The following SLURP1 variants were observed in gnomAD, a reference collection of about 807,000 sequenced individuals.
SLURP1 encodes secreted Ly-6/uPAR-related protein 1.
SLURP1 carries 2 observed loss-of-function variants against 7.9 expected under a neutral mutation model. That is an observed-to-expected ratio of 0.25 (90% CI 0.10 to 0.79). The LOEUF (loss-of-function observed/expected upper bound fraction) is 0.79. Among genes scored for constraint, SLURP1 ranks in the 30% least tolerant of loss-of-function variants. SLURP1 has a pLI of 0.69. For missense variants in SLURP1, 111 were observed against 139.8 expected, an observed-to-expected ratio of 0.79 and a Z score of 1.04; for synonymous variants, 59 against 54.9, an observed-to-expected ratio of 1.07 and a Z score of -0.33.
At position 142,741,476 on chromosome 8, in the gene SLURP1, A is replaced by G. The variant is rs1384474024; in HGVS notation, c.179-200T>C. ...ATTATTAGGCCTTGTCAGACCTCTG[A>G]AGTGCCTGCGCTGAGATGGGAGCCC... On this transcript the variant is annotated intron_variant, in intron 2 of 2. Coordinates refer to ENST00000246515, the MANE Select transcript of SLURP1 (RefSeq NM_020427.3). The surrounding 1 kb of genome is among the most constrained non-coding windows in gnomAD (Gnocchi z 4.3). Among the ~76,000 whole-genome samples, 1 of 152,114 alleles carries G rather than the reference A, an allele frequency of 6.6e-6. No individual in the cohort carries two copies. The highest frequency in any genetic ancestry group is 1.9e-4 in the East Asian group (1 of 5,170).
chr8:142,742,302 T>A (rs749749443), intron 1 of SLURP1, 26 bp downstream of exon 1: 2 of 1,610,508 alleles, frequency 1.2e-6, no homozygotes, highest in African/African-American at 2.7e-5. Context: ...AGAGGCAGGG[T>A]CCCCACCAGC....
chr8:142,742,288 G>T, intron 1 of SLURP1, 40 bp downstream of exon 1: 1 of 1,606,696 alleles, frequency 6.2e-7, no homozygotes, highest in Non-Finnish European at 8.5e-7. Context: ...GGGCAGACAA[G>T]CTCAGAGGCA....
rs1815863515 is a variant in SLURP1 at position 142,741,272 on chromosome 8, G to T, written c.183C>A (p.Tyr61Ter). ...MTTLVTVEAE[Y>*]PFNQSPVVTR... ...TCACCACGGGGCTCTGGTTGAAGGG[G>T]TACTCTGCAGGGTGGGCCAGTGTCA... Residue 61 changes from tyrosine (Y) to a stop codon, truncating the protein, a stop_gained, in exon 3 of 3, where the codon TAC (tyrosine) becomes TAA (stop). Transcript: ENST00000246515. LOFTEE classifies it low-confidence loss of function (END_TRUNC). The surrounding 1 kb of genome is among the most constrained non-coding windows in gnomAD (Gnocchi z 4.3). The T allele has an allele frequency of 6.3e-7, 1 of 1,595,846 alleles. No homozygotes were observed.
In SLURP1 at chr8:142,741,798, C is replaced by T; in HGVS notation, c.178+5G>A. 6.2e-7 allele frequency: 1 copy of T among 1,611,006 alleles called. No individual in the cohort carries two copies. Among genetic ancestry groups the T allele is most frequent in the Non-Finnish European group, 8.5e-7 (1 of 1,179,976 alleles). ...ACCCAGGGCTGCCGTGGGGCCTGGC[C>T]TCACCTGCCTCCACCGTCACCAGCG... On this transcript the variant is annotated splice_donor_5th_base_variant and intron_variant, in intron 2 of 2. Transcript: ENST00000246515. This position sits in a 1 kb window ranked among gnomAD's most constrained non-coding sequence, Gnocchi z 4.3.
At position 142,741,748 on chromosome 8, in the gene SLURP1, G is replaced by C; in HGVS notation, c.178+55C>G. On this transcript the variant is annotated intron_variant, in intron 2 of 2. Transcript: ENST00000246515. The surrounding 1 kb of genome is among the most constrained non-coding windows in gnomAD (Gnocchi z 4.3). The stretch of plus-strand genomic sequence containing the variant: ...CACCAGCAAAGGAGGGAGGCACTTG[G>C]GGGAGGTGGCCCTGACTCCAGTGCA... 6.2e-7 allele frequency: 1 copy of C among 1,601,890 alleles called. No individual in the cohort carries two copies. Among genetic ancestry groups the C allele is most frequent in the Non-Finnish European group, 8.5e-7 (1 of 1,179,636 alleles).
Position 142,741,887 on chromosome 8 carries a change from T to C in SLURP1, c.94A>G (p.Met32Val). ...ATGGTCCTGCAGGAAGCACTGGTCA[T>C]GGGCTCCTTGCAGGTGTAGCACTTG... The part of the protein sequence containing the change: ...ALKCYTCKEP[M>V]TSASCRTITR... Residue 32 changes from methionine to valine, a missense_variant, in exon 2 of 3, where the codon ATG becomes GTG. Transcript: ENST00000246515. The surrounding 1 kb of genome is among the most constrained non-coding windows in gnomAD (Gnocchi z 4.3). 1.2e-6 allele frequency: 2 copies of C among 1,613,092 alleles called. No individual in the cohort carries two copies. Among genetic ancestry groups the C allele is most frequent in the Non-Finnish European group, 1.7e-6 (2 of 1,179,974 alleles).
Position 142,741,170 on chromosome 8 carries a change from G to A in SLURP1, c.285C>T (p.Phe95=), listed in dbSNP as rs1280418980. The A allele has an allele frequency of 6.2e-7, 1 of 1,608,130 alleles. No individual in the cohort carries two copies. Among genetic ancestry groups the A allele is most frequent in the African/African-American group, 1.3e-5 (1 of 75,020 alleles). The stretch of plus-strand genomic sequence containing the variant: ...AGAGTTCCGAGTTGCAGAGGTCTCG[G>A]AAGCAGCAGAAGATCAGGTGGGCGG... The part of the protein sequence containing the change: ...IGAAHLIFCC[F]RDLCNSEL Residue 95 remains phenylalanine (F), a synonymous_variant, in exon 3 of 3, where the codon TTC becomes TTT. Coordinates refer to ENST00000246515, the MANE Select transcript of SLURP1 (RefSeq NM_020427.3). This position sits in a 1 kb window ranked among gnomAD's most constrained non-coding sequence, Gnocchi z 4.3.
Position 142,741,286 on chromosome 8 carries a change from G to T in SLURP1, c.179-10C>A. On this transcript the variant is annotated splice_polypyrimidine_tract_variant and intron_variant, in intron 2 of 2. Transcript: ENST00000246515. The surrounding 1 kb of genome is among the most constrained non-coding windows in gnomAD (Gnocchi z 4.3). The stretch of plus-strand genomic sequence containing the variant: ...TGGTTGAAGGGGTACTCTGCAGGGT[G>T]GGCCAGTGTCAGAACCCTCACTCCC... 1 of 1,583,608 alleles carries T rather than the reference G, an allele frequency of 6.3e-7. No individual in the cohort carries two copies.
rs755336069 is a variant in SLURP1, at chr8:142,741,341, C to T, written c.179-65G>A. The T allele has an allele frequency of 1.3e-6, 2 of 1,520,178 alleles. No individual in the cohort carries two copies. Among genetic ancestry groups the T allele is most frequent in the South Asian group, 2.4e-5 (2 of 82,288 alleles). The allele number at this position is 1,520,178 out of a possible 1,614,324, so 94.2% of individuals were successfully genotyped here. The stretch of plus-strand genomic sequence containing the variant: ...AGCGCCTGCCTGCTGCTGCACTGCT[C>T]CCAGCCGCCGTCGCCTGACCTCACC... On this transcript the variant is annotated intron_variant, in intron 2 of 2. Transcript: ENST00000246515. This position sits in a 1 kb window ranked among gnomAD's most constrained non-coding sequence, Gnocchi z 4.3.
In SLURP1 at chr8:142,741,103, G is replaced by A. The variant is rs1004789680; in HGVS notation, c.*40C>T. 1.9e-6 allele frequency: 3 copies of A among 1,599,260 alleles called. No homozygotes were observed. Among genetic ancestry groups the A allele is most frequent in the Non-Finnish European group, 2.5e-6 (3 of 1,179,526 alleles). On this transcript the variant is annotated 3_prime_UTR_variant, in exon 3 of 3. Transcript: ENST00000246515. This position sits in a 1 kb window ranked among gnomAD's most constrained non-coding sequence, Gnocchi z 4.3. ...GGTGGAGCCAGGCCCCGTCAGAGAG[G>A]AGGTGCCTGAGGAGCACCTTCCGCC...
chr8:142,741,942 A>G lies in SLURP1; in HGVS notation c.59-20T>C, dbSNP rs1185107563. 6.2e-7 allele frequency: 1 copy of G among 1,610,380 alleles called. No individual in the cohort carries two copies. Among genetic ancestry groups the G allele is most frequent in the Non-Finnish European group, 8.5e-7 (1 of 1,179,916 alleles). On this transcript the variant is annotated intron_variant, in intron 1 of 2. Transcript: ENST00000246515. The surrounding 1 kb of genome is among the most constrained non-coding windows in gnomAD (Gnocchi z 4.3). ...CCTCACCTGGGTGAGGGATGGGGGC[A>G]GAACCTCATCACCTGACCTCGGTGG... is the stretch of plus-strand genomic sequence containing the variant.
At chr8:142,742,177 AC>A in intron 1 of SLURP1, 150 bp downstream of exon 1, 4 of 1,020,120 alleles carry the variant, frequency 3.9e-6, no homozygotes, top group Middle Eastern at 3.0e-4. Context: ...GGGCTCTGGG[AC>A]CCAGGAGGCT....
chr8:142,740,983 T>A lies in SLURP1; in HGVS notation c.*160A>T. The A allele has an allele frequency of 2.0e-6, 2 of 1,004,120 alleles. No homozygotes were observed. Among genetic ancestry groups the A allele is most frequent in the Non-Finnish European group, 3.0e-6 (2 of 668,404 alleles). 62.2% of individuals were successfully genotyped at this position (1,004,120 alleles called of 1,614,324 possible). A position where few individuals can be genotyped will look rare whatever the true frequency, so the allele number is the denominator to read the frequency against. ...AGTTATGTTTTATAAGCGTGGGGTA[T>A]GGAAGGCAGAGGGCGCCCCTGGTGT... On this transcript the variant is annotated 3_prime_UTR_variant, in exon 3 of 3. Transcript: ENST00000246515.
In SLURP1 at chr8:142,741,359, A is replaced by G. The variant is rs1288274021; in HGVS notation, c.179-83T>C. ...CACTGCTCCCAGCCGCCGTCGCCTG[A>G]CCTCACCCTCCCTGTGATCCCTGTT... is the stretch of plus-strand genomic sequence containing the variant. On this transcript the variant is annotated intron_variant, in intron 2 of 2. Transcript: ENST00000246515. The surrounding 1 kb of genome is among the most constrained non-coding windows in gnomAD (Gnocchi z 4.3). 1.3e-6 allele frequency: 2 copies of G among 1,495,534 alleles called. No individual in the cohort carries two copies. The highest frequency in any genetic ancestry group is 4.1e-5 in the Admixed American group (2 of 49,142). The allele number at this position is 1,495,534 out of a possible 1,614,324, so 92.6% of individuals were successfully genotyped here.
Position 142,741,270 on chromosome 8 carries a change from G to C in SLURP1, c.185C>G (p.Pro62Arg), listed in dbSNP as rs1279460807. 3.1e-6 allele frequency: 5 copies of C among 1,597,670 alleles called. No individual in the cohort carries two copies. Among genetic ancestry groups the C allele is most frequent in the Non-Finnish European group, 3.4e-6 (4 of 1,175,094 alleles). Reference protein sequence around the residue: ...TTLVTVEAEYPFNQSPVVTRS... With the variant: ...TTLVTVEAEYRFNQSPVVTRS... ...GGTCACCACGGGGCTCTGGTTGAAG[G>C]GGTACTCTGCAGGGTGGGCCAGTGT... Residue 62 changes from proline to arginine, a missense_variant, in exon 3 of 3, where the codon CCC becomes CGC. Physicochemically the swap from Pro to Arg is moderately radical, Grantham distance 103. Coordinates refer to ENST00000246515, the MANE Select transcript of SLURP1 (RefSeq NM_020427.3). This position sits in a 1 kb window ranked among gnomAD's most constrained non-coding sequence, Gnocchi z 4.3.
In SLURP1 at chr8:142,741,635, G is replaced by T. The variant is rs931488329; in HGVS notation, c.178+168C>A. ...GCCCCAGGACTGGGTCTCTGAGGGG[G>T]CTGTGCCACCCTCGTGGAAGGCACC... On this transcript the variant is annotated intron_variant, in intron 2 of 2. Coordinates refer to ENST00000246515, the MANE Select transcript of SLURP1 (RefSeq NM_020427.3). This position sits in a 1 kb window ranked among gnomAD's most constrained non-coding sequence, Gnocchi z 4.3. 6.6e-6 allele frequency among the ~76,000 whole-genome samples: 1 copy of T among 152,218 alleles called. No individual in the cohort carries two copies. The highest frequency in any genetic ancestry group is 1.5e-5 in the Non-Finnish European group (1 of 68,036).
At position 142,741,359 on chromosome 8, in the gene SLURP1, A is replaced by T. The variant is rs1288274021; in HGVS notation, c.179-83T>A. ...CACTGCTCCCAGCCGCCGTCGCCTG[A>T]CCTCACCCTCCCTGTGATCCCTGTT... On this transcript the variant is annotated intron_variant, in intron 2 of 2. Transcript: ENST00000246515. This position sits in a 1 kb window ranked among gnomAD's most constrained non-coding sequence, Gnocchi z 4.3. 1 of 1,495,416 alleles carries T rather than the reference A, an allele frequency of 6.7e-7. No individual in the cohort carries two copies. The highest frequency in any genetic ancestry group is 1.4e-5 in the African/African-American group (1 of 72,156). 92.6% of individuals were successfully genotyped at this position (1,495,416 alleles called of 1,614,324 possible).
rs1368091892 is a variant in SLURP1 at position 142,741,321 on chromosome 8, C to T, written c.179-45G>A. ...CAGAACCCTCACTCCCCTGCAGCGC[C>T]TGCCTGCTGCTGCACTGCTCCCAGC... On this transcript the variant is annotated intron_variant, in intron 2 of 2. Transcript: ENST00000246515. The surrounding 1 kb of genome is among the most constrained non-coding windows in gnomAD (Gnocchi z 4.3). The T allele has an allele frequency of 1.3e-6, 2 of 1,539,668 alleles. No homozygotes were observed. Among genetic ancestry groups the T allele is most frequent in the African/African-American group, 1.4e-5 (1 of 73,428 alleles).
chr8:142,741,596 C>T lies in SLURP1; in HGVS notation c.178+207G>A, dbSNP rs1295424777. Among the ~76,000 whole-genome samples, 1 of 152,238 alleles carries T rather than the reference C, an allele frequency of 6.6e-6. No individual in the cohort carries two copies. Among genetic ancestry groups the T allele is most frequent in the Non-Finnish European group, 1.5e-5 (1 of 68,038 alleles). The stretch of plus-strand genomic sequence containing the variant: ...ACCCCGGCCATTAAGCCCCACCCAC[C>T]TCCAGCGCCTGGTGCCCCAGGACTG... On this transcript the variant is annotated intron_variant, in intron 2 of 2. Coordinates refer to ENST00000246515, the MANE Select transcript of SLURP1 (RefSeq NM_020427.3). This position sits in a 1 kb window ranked among gnomAD's most constrained non-coding sequence, Gnocchi z 4.3.
Sources: allele counts gnomAD v4.1 joint callset (sites outside exome capture counted in the v4.1 genomes callset), GRCh38; gene constraint gnomAD v4.1.1; non-coding constraint Gnocchi (gnomAD v3.1); transcripts MANE v1.5; gene names NCBI Gene and HGNC (gene_info 2026-07-23, HGNC 2026-07-21).